The following SYT9 variants were observed in gnomAD, a reference collection of about 807,000 sequenced individuals.
The protein encoded by SYT9 is synaptotagmin-9.
SYT9 carries 22 observed loss-of-function variants against 48.4 expected under a neutral mutation model. The observed-to-expected ratio is 0.45, with a 90% CI of 0.32 to 0.65. The LOEUF is 0.65. SYT9 is among the 30% of genes least tolerant of loss of function. The probability of loss-of-function intolerance (pLI) is 0.03; values close to 1 mark genes in which losing one functional copy is unlikely to be tolerated. For synonymous variants in SYT9, 265 were observed against 245.0 expected, an observed-to-expected ratio of 1.08 and a Z score of -0.76; for missense variants, 577 against 622.0, an observed-to-expected ratio of 0.93 and a Z score of 0.77.
At chr11:7,386,437 G>C (rs4290209) in intron 3 of SYT9, among the ~76,000 whole-genome samples, 1 of 150,636 alleles carries the variant, frequency 6.6e-6, no homozygotes, top group Non-Finnish European at 1.5e-5. Flanking sequence ...CAATGAACTC[G>C]AACAAATTTA....
At chr11:7,404,910 CAGATAG>C (rs1564891762) in intron 3 of SYT9, among the ~76,000 whole-genome samples, 1 of 152,138 alleles carries the variant, frequency 6.6e-6, no homozygotes, top group Non-Finnish European at 1.5e-5. Context: ...TATAGATCGA[CAGATAG>C]AGAATTCACA....
intron 1 of SYT9, among the ~76,000 whole-genome samples, chr11:7,253,038 G>A (rs1411627215): frequency 6.6e-6 from 1 of 152,254 alleles, no homozygotes; most frequent in East Asian, 1.9e-4. Context: ...TACTCCTAGT[G>A]AAAGTTGCAA....
At chr11:7,352,700 A>G (rs1849941034) in intron 3 of SYT9, among the ~76,000 whole-genome samples, 2 of 152,236 alleles carry the variant, frequency 1.3e-5, no homozygotes, top group Admixed American at 1.3e-4. Context: ...GTTATGGAAG[A>G]TGAGACACAC....
At chr11:7,313,067 A>G (rs190848305) in intron 2 of SYT9, among the ~76,000 whole-genome samples, 7 of 152,344 alleles carry the variant, frequency 4.6e-5, no homozygotes, top group African/African-American at 1.4e-4. Flanking sequence ...AGCAGTTTGT[A>G]CAAATCTTTA....
At chr11:7,269,263 G>A (rs1450219492) in intron 1 of SYT9, among the ~76,000 whole-genome samples, 3 of 151,932 alleles carry the variant, frequency 2.0e-5, no homozygotes, top group Non-Finnish European at 2.9e-5. Flanking sequence ...AGATAATTGA[G>A]TAACTATTTG....
At chr11:7,367,003 G>A (rs1850257636) in intron 3 of SYT9, among the ~76,000 whole-genome samples, 1 of 150,316 alleles carries the variant, frequency 6.7e-6, no homozygotes, top group Non-Finnish European at 1.5e-5. Context: ...TCCATGCTCT[G>A]GTGTATACGA....
rs1030402184 is a variant in SYT9 at position 7,387,730 on chromosome 11, C to G, written c.1045-28312C>G. Among the ~76,000 whole-genome samples the G allele has an allele frequency of 1.2e-4, 18 of 152,090 alleles. No homozygotes were observed. In the East Asian group the frequency reaches 3.5e-3, roughly 29 times the overall value. On this transcript the variant is annotated intron_variant, in intron 3 of 6. Transcript: ENST00000318881. ...CTTTAAGAAAATTCCCTTTCCATATCTGGTTTGGATGCCTGATTTCATCAC... is the reference window on the plus strand; with the variant it reads ...CTTTAAGAAAATTCCCTTTCCATATGTGGTTTGGATGCCTGATTTCATCAC...
At chr11:7,297,132 A>T (rs1003709317) in intron 1 of SYT9, among the ~76,000 whole-genome samples, 4 of 151,402 alleles carry the variant, frequency 2.6e-5, no homozygotes, top group African/African-American at 9.7e-5. Flanking sequence ...GAGAGATCAG[A>T]TTTATTCAGA....
chr11:7,457,689 T>A (rs1425038099), intron 6 of SYT9: 1 of 152,196 alleles, frequency 6.6e-6, no homozygotes, highest in African/African-American at 2.4e-5. Context: ...GCAACACCCA[T>A]GAGAATGAAG....
At chr11:7,445,856 G>C (rs1448488085) in intron 6 of SYT9, among the ~76,000 whole-genome samples, 2 of 152,206 alleles carry the variant, frequency 1.3e-5, no homozygotes, top group African/African-American at 4.8e-5. Flanking sequence ...CCCTGAGGAA[G>C]TCTCCTCTTT....
chr11:7,417,571 T>C (rs890301220), intron 4 of SYT9, among the ~76,000 whole-genome samples: 11 of 152,192 alleles, frequency 7.2e-5, no homozygotes, highest in African/African-American at 2.7e-4. Context: ...CTTAAAGACC[T>C]GAAAAGATTC....
intron 1 of SYT9, among the ~76,000 whole-genome samples, chr11:7,275,691 T>G (rs752475822): frequency 2.6e-5 from 4 of 152,158 alleles, no homozygotes; most frequent in Non-Finnish European, 5.9e-5. Flanking sequence ...TCTAGCCACC[T>G]CCTGGACATC....
intron 3 of SYT9, among the ~76,000 whole-genome samples, chr11:7,347,042 C>G (rs571955192): frequency 6.6e-6 from 1 of 152,284 alleles, no homozygotes; most frequent in Admixed American, 6.5e-5. Context: ...TTCCCTTTGT[C>G]CATGTTTGCT....
At chr11:7,414,044 G>C (rs575807351) in intron 3 of SYT9, among the ~76,000 whole-genome samples, 1 of 151,984 alleles carries the variant, frequency 6.6e-6, no homozygotes, top group African/African-American at 2.4e-5. Flanking sequence ...GGCTTATGTC[G>C]GAGGAAAACA....
Position 7,467,378 on chromosome 11 carries a change from A to T in SYT9, c.*578A>T, listed in dbSNP as rs1848354894. 1 of 152,730 alleles carries T rather than the reference A, an allele frequency of 6.5e-6. No homozygotes were observed. Among genetic ancestry groups the T allele is most frequent in the South Asian group, 2.1e-4 (1 of 4,832 alleles). The allele number at this position is 152,730 out of a possible 1,614,324, so 9.5% of individuals were successfully genotyped here. A position where few individuals can be genotyped will look rare whatever the true frequency, so the allele number is the denominator to read the frequency against. ...CAAGACAAGCAGGCTGTTCCCTGGA[A>T]AAAATCTAATGCAAGGAGGGCTAGT... On this transcript the variant is annotated 3_prime_UTR_variant, in exon 7 of 7. Transcript: ENST00000318881.
At chr11:7,278,319 C>T (rs1848435254) in intron 1 of SYT9, among the ~76,000 whole-genome samples, 1 of 152,186 alleles carries the variant, frequency 6.6e-6, no homozygotes. Context: ...CATCCAATCA[C>T]CTCTTTTAAA....
chr11:7,412,084 G>A (rs1847147064), intron 3 of SYT9, among the ~76,000 whole-genome samples: 3 of 152,028 alleles, frequency 2.0e-5, no homozygotes, highest in African/African-American at 7.2e-5. Context: ...TCTCTTTGAT[G>A]AATTCTTTTC....
intron 2 of SYT9, among the ~76,000 whole-genome samples, chr11:7,304,606 T>C (rs1416672603): frequency 6.6e-6 from 1 of 152,250 alleles, no homozygotes; most frequent in Non-Finnish European, 1.5e-5. Flanking sequence ...TGCCAGTTTC[T>C]AATTTGATTG....
At chr11:7,253,618 A>G (rs1361860078) in intron 1 of SYT9, among the ~76,000 whole-genome samples, 2 of 152,098 alleles carry the variant, frequency 1.3e-5, no homozygotes, top group Admixed American at 6.5e-5. Flanking sequence ...ATTGTTTTCC[A>G]TTGCCGGTGG....
Sources: gnomAD v4.1 joint callset for allele counts (sites outside exome capture counted in the v4.1 genomes callset) on GRCh38, gnomAD v4.1.1 for gene constraint, MANE v1.5 for transcripts, NCBI Gene and HGNC (gene_info 2026-07-23, HGNC 2026-07-21) for gene names.